Variants in CYP2C19 observed in about 807,000 individuals in gnomAD.
CYP2C19 encodes cytochrome P450 2C19.
CYP2C19 carries 59 observed loss-of-function variants against 40.9 expected under a neutral mutation model. That is an observed-to-expected ratio of 1.44 (90% CI 1.17 to 1.79). The LOEUF (loss-of-function observed/expected upper bound fraction) is 1.79. CYP2C19 is among the 40% of genes most tolerant of loss of function. The pLI, the probability that CYP2C19 is intolerant of heterozygous loss-of-function variation, is 0.00. For missense variants in CYP2C19, 754 were observed against 596.9 expected (o/e 1.26, Z -2.74); for synonymous variants, 253 against 208.7 (o/e 1.21, Z -1.83).
chr10:94,790,902 C>T (rs1022664804), intron 5 of CYP2C19, among the ~76,000 whole-genome samples: 2 of 152,084 alleles, frequency 1.3e-5, no homozygotes, highest in Non-Finnish European at 2.9e-5. Flanking sequence ...AGAGAGAATT[C>T]CCTCTTTTTC....
chr10:94,835,382 T>C (rs1002327250), intron 6 of CYP2C19, among the ~76,000 whole-genome samples: 1 of 152,196 alleles, frequency 6.6e-6, no homozygotes, highest in Non-Finnish European at 1.5e-5. Flanking sequence ...ATTTTCCTTT[T>C]TTGGTGGCTA....
At chr10:94,828,084 C>G (rs369668122) in intron 6 of CYP2C19, among the ~76,000 whole-genome samples, 4 of 152,010 alleles carry the variant, frequency 2.6e-5, no homozygotes, top group South Asian at 2.1e-4. Flanking sequence ...TTACTTCCAA[C>G]TATGTGGTCA....
At chr10:94,851,170 G>A (rs1849648030) in intron 8 of CYP2C19, among the ~76,000 whole-genome samples, 1 of 152,074 alleles carries the variant, frequency 6.6e-6, no homozygotes, top group African/African-American at 2.4e-5. Context: ...GAATGGCTGG[G>A]AGGACTCAGG....
In CYP2C19 at chr10:94,779,085, G is replaced by A. The variant is rs565868892; in HGVS notation, c.482-1414G>A. On this transcript the variant is annotated intron_variant, in intron 3 of 8. Coordinates refer to ENST00000371321, the MANE Select transcript of CYP2C19 (RefSeq NM_000769.4). Reference sequence around the variant, plus strand: ...AAATGAGAACACATGGACACAGGAAGGGTAACATCACACACCAGGGCCTGT... The same window carrying A: ...AAATGAGAACACATGGACACAGGAAAGGTAACATCACACACCAGGGCCTGT... Among the ~76,000 whole-genome samples the A allele has an allele frequency of 1.4e-4, 21 of 152,160 alleles. 1 individual carries two copies. In the South Asian group the frequency reaches 3.1e-3, roughly 23 times the overall value.
At chr10:94,827,511 C>A (rs1476125237) in intron 6 of CYP2C19, among the ~76,000 whole-genome samples, 6 of 151,754 alleles carry the variant, frequency 4.0e-5, no homozygotes, top group Non-Finnish European at 8.8e-5. Flanking sequence ...TGGTGATATC[C>A]CCTTTATCGT....
intron 5 of CYP2C19, among the ~76,000 whole-genome samples, chr10:94,784,334 T>C (rs976151793): frequency 2.0e-4 from 30 of 152,276 alleles, no homozygotes; most frequent in African/African-American, 6.0e-4. Flanking sequence ...CTTTTGGCTC[T>C]TATAGATAAT....
chr10:94,823,659 G>T (rs1273444203), intron 6 of CYP2C19, among the ~76,000 whole-genome samples: 1 of 152,100 alleles, frequency 6.6e-6, no homozygotes, highest in African/African-American at 2.4e-5. Flanking sequence ...GCTATACCAG[G>T]TCATATTGAA....
At chr10:94,774,655 C>T (rs545728374) in intron 1 of CYP2C19, 28 of 202,610 alleles carry the variant, frequency 1.4e-4, no homozygotes, top group Non-Finnish European at 2.6e-4. Context: ...TTAAGGTAGA[C>T]ACAAGAGTGC....
chr10:94,765,406 T>G (rs1188285142), intron 1 of CYP2C19, among the ~76,000 whole-genome samples: 1 of 152,106 alleles, frequency 6.6e-6, no homozygotes, highest in Non-Finnish European at 1.5e-5. Flanking sequence ...ATACCTTGGC[T>G]GGGTAGACAC....
chr10:94,800,547 C>T (rs1848749285), intron 5 of CYP2C19, among the ~76,000 whole-genome samples: 1 of 152,206 alleles, frequency 6.6e-6, no homozygotes, highest in Admixed American at 6.5e-5. Flanking sequence ...AGAAGCACTG[C>T]TCTCTTCAGA....
At chr10:94,837,113 G>A (rs899855999) in intron 6 of CYP2C19, among the ~76,000 whole-genome samples, 3 of 152,180 alleles carry the variant, frequency 2.0e-5, no homozygotes, top group Non-Finnish European at 4.4e-5. Flanking sequence ...GGAAAGCAGA[G>A]TATAAGGGCT....
chr10:94,768,478 C>T (rs1043983391), intron 1 of CYP2C19, among the ~76,000 whole-genome samples: 1 of 152,140 alleles, frequency 6.6e-6, no homozygotes, highest in Non-Finnish European at 1.5e-5. Context: ...AGAAAAGTGG[C>T]AGGGTTGGGG....
At chr10:94,821,768 C>G (rs537394681) in intron 6 of CYP2C19, among the ~76,000 whole-genome samples, 8 of 151,972 alleles carry the variant, frequency 5.3e-5, no homozygotes, top group African/African-American at 1.9e-4. Flanking sequence ...CAATTACTAA[C>G]CTATAACGTT....
chr10:94,829,708 TC>T (rs1396641475), intron 6 of CYP2C19, among the ~76,000 whole-genome samples: 1 of 151,994 alleles, frequency 6.6e-6, no homozygotes, highest in East Asian at 1.9e-4. Context: ...GGAACTACGT[TC>T]CTTTGGAGGA....
intron 1 of CYP2C19, among the ~76,000 whole-genome samples, chr10:94,771,853 A>T (rs1242020262): frequency 6.6e-6 from 1 of 152,174 alleles, no homozygotes; most frequent in Non-Finnish European, 1.5e-5. Flanking sequence ...ACACAGCAGC[A>T]GAAACACTAG....
Position 94,852,876 on chromosome 10 carries a change from G to T in CYP2C19, c.1435G>T (p.Val479Phe), listed in dbSNP as rs757668888. 1.9e-6 allele frequency: 3 copies of T among 1,613,842 alleles called. No individual in the cohort carries two copies. In the African/African-American group the frequency reaches 4.0e-5, roughly 22 times the overall value. Reference sequence around the variant, plus strand: ...TCCTGTTGTCAATGGATTTGCTTCTGTCCCGCCCTTCTATCAGCTGTGCTT... The same window carrying T: ...TCCTGTTGTCAATGGATTTGCTTCTTTCCCGCCCTTCTATCAGCTGTGCTT... ...TTPVVNGFAS[V>F]PPFYQLCFIP... The change falls in exon 9 of 9, where the codon GTC becomes TTC. Residue 479 changes from valine (V) to phenylalanine (F), a missense_variant. Val to Phe is a conservative substitution (Grantham distance 50). Transcript: ENST00000371321.
intron 5 of CYP2C19, among the ~76,000 whole-genome samples, chr10:94,790,103 G>A (rs1240508805): frequency 1.3e-5 from 2 of 151,540 alleles, no homozygotes; most frequent in African/African-American, 4.9e-5. Flanking sequence ...TCTCTTTGTA[G>A]CAATTGTGAA....
chr10:94,795,967 T>C (rs1287338310), intron 5 of CYP2C19, among the ~76,000 whole-genome samples: 1 of 152,218 alleles, frequency 6.6e-6, no homozygotes, highest in African/African-American at 2.4e-5. Context: ...ACTCTGATGG[T>C]AGTTTCTTTT....
chr10:94,832,704 C>T (rs1158978430), intron 6 of CYP2C19, among the ~76,000 whole-genome samples: 1 of 151,850 alleles, frequency 6.6e-6, no homozygotes, highest in Non-Finnish European at 1.5e-5. Flanking sequence ...GTGATTCCTC[C>T]AGTTTTGTTT....
Sources: gnomAD v4.1 joint callset for allele counts (sites outside exome capture counted in the v4.1 genomes callset) on GRCh38, gnomAD v4.1.1 for gene constraint, MANE v1.5 for transcripts, NCBI Gene and HGNC (gene_info 2026-07-23, HGNC 2026-07-21) for gene names.